Variants in USP25 observed in about 807,000 individuals in gnomAD.
The protein encoded by USP25 is ubiquitin carboxyl-terminal hydrolase 25.
In USP25, 85 loss-of-function variants were observed where a neutral mutation model predicts 158.5. That is an observed-to-expected ratio of 0.54 (90% CI 0.45 to 0.64). The LOEUF (loss-of-function observed/expected upper bound fraction) is 0.64. USP25 is among the 30% of genes least tolerant of loss of function. The pLI, the probability that USP25 is intolerant of heterozygous loss-of-function variation, is 0.00. For synonymous variants in USP25, 464 were observed against 460.4 expected (o/e 1.01, Z -0.10); for missense variants, 1,242 against 1,327.3 (o/e 0.94, Z 1.00).
At chr21:15,808,479 A>G (rs1376355999) in intron 7 of USP25, among the ~76,000 whole-genome samples, 1 of 152,172 alleles carries the variant, frequency 6.6e-6, no homozygotes, top group Non-Finnish European at 1.5e-5. Context: ...AAGATTCATT[A>G]CAGAGCTCTT....
chr21:15,793,651 A>G (rs2035712556), intron 5 of USP25, among the ~76,000 whole-genome samples: 1 of 151,504 alleles, frequency 6.6e-6, no homozygotes, highest in Non-Finnish European at 1.5e-5. Context: ...AACATCTAGG[A>G]GAAGTAACCT....
At chr21:15,775,082 T>A (rs943457437) in intron 3 of USP25, among the ~76,000 whole-genome samples, 2 of 152,226 alleles carry the variant, frequency 1.3e-5, no homozygotes, top group African/African-American at 2.4e-5. Flanking sequence ...ACTTAAATTT[T>A]GAAGCCTGTG....
chr21:15,781,280 G>A (rs981802043), intron 4 of USP25, among the ~76,000 whole-genome samples: 6 of 152,180 alleles, frequency 3.9e-5, no homozygotes, highest in South Asian at 2.1e-4. Context: ...TGTTAGAAAC[G>A]TAGAGTTCCT....
chr21:15,794,755 G>A lies in USP25; in HGVS notation c.555+3091G>A, dbSNP rs552709867. Among the ~76,000 whole-genome samples, 125 of 151,554 alleles carry A rather than the reference G, an allele frequency of 8.2e-4. No individual in the cohort carries two copies. The Middle Eastern group carries it at 0.01, about 12-fold the overall frequency. On this transcript the variant is annotated intron_variant, in intron 5 of 25. Transcript: ENST00000400183. The stretch of plus-strand genomic sequence containing the variant: ...TTACTCATAAATCATATAACTGCAG[G>A]TTGACTAAAATACAGGCACCCTGAG...
At chr21:15,821,451 A>G (rs2037231478) in intron 10 of USP25, among the ~76,000 whole-genome samples, 1 of 152,084 alleles carries the variant, frequency 6.6e-6, no homozygotes, top group Non-Finnish European at 1.5e-5. Context: ...TTTGGGTCAC[A>G]GGGCATACTC....
intron 1 of USP25, chr21:15,744,082 A>G (rs1306471199): frequency 6.5e-6 from 1 of 154,912 alleles, no homozygotes; most frequent in Non-Finnish European, 1.5e-5. Context: ...GTCGAACTGT[A>G]GCAGAGTAGC....
At chr21:15,866,534 T>C (rs1481694956) in intron 22 of USP25, among the ~76,000 whole-genome samples, 190 bp downstream of exon 22, 1 of 152,136 alleles carries the variant, frequency 6.6e-6, no homozygotes, top group African/African-American at 2.4e-5. Flanking sequence ...TATGATAGCA[T>C]GTAGACCAAA....
At chr21:15,765,293 G>C (rs1343948317) in intron 2 of USP25, among the ~76,000 whole-genome samples, 1 of 152,072 alleles carries the variant, frequency 6.6e-6, no homozygotes, top group Admixed American at 6.6e-5. Flanking sequence ...AACTGGGCAA[G>C]TCTCTTCTCA....
At chr21:15,739,183 AT>A (rs58059760) in intron 1 of USP25, among the ~76,000 whole-genome samples, 35,394 of 151,732 alleles carry the variant, frequency 0.23, 5,616 homozygotes, top group African/African-American at 0.46. Context: ...CTGTACTTTC[AT>A]TTTTTTTCCT....
Position 15,874,383 on chromosome 21 carries a change from G to A in USP25, c.2886-20G>A. 1.3e-6 allele frequency: 2 copies of A among 1,580,182 alleles called. No individual in the cohort carries two copies. Among genetic ancestry groups the A allele is most frequent in the East Asian group, 2.3e-5 (1 of 44,382 alleles). On this transcript the variant is annotated intron_variant, in intron 23 of 25. Coordinates refer to ENST00000400183, the MANE Select transcript of USP25 (RefSeq NM_001283041.3). Reference sequence around the variant, plus strand: ...CAAAGGTGAAATACTAATGTTATATGTTTCTTTTTAATTTTCAAGTTATAT... The same window carrying A: ...CAAAGGTGAAATACTAATGTTATATATTTCTTTTTAATTTTCAAGTTATAT...
At chr21:15,757,774 C>T (rs1407593662) in intron 1 of USP25, among the ~76,000 whole-genome samples, 1 of 152,156 alleles carries the variant, frequency 6.6e-6, no homozygotes, top group Non-Finnish European at 1.5e-5. Context: ...GGTCAAATCC[C>T]ATCATCCATG....
intron 1 of USP25, among the ~76,000 whole-genome samples, chr21:15,730,799 C>A (rs1245397351): frequency 6.6e-6 from 1 of 152,080 alleles, no homozygotes; most frequent in Non-Finnish European, 1.5e-5. Flanking sequence ...CTTTCTGAAC[C>A]GATTTTGTCT....
chr21:15,791,782 A>G (rs2035604136), intron 5 of USP25, 118 bp downstream of exon 5: 1 of 1,029,892 alleles, frequency 9.7e-7, no homozygotes, highest in Non-Finnish European at 1.3e-6. Flanking sequence ...TTAATATACT[A>G]TTTTGTCTAA....
At chr21:15,773,224 G>T (rs1022401159) in intron 3 of USP25, 1 of 152,248 alleles carries the variant, frequency 6.6e-6, no homozygotes, top group Non-Finnish European at 1.5e-5. Context: ...GGAGTGGCTG[G>T]AGCCATTTAA....
At chr21:15,747,536 T>C (rs2032658841) in intron 1 of USP25, among the ~76,000 whole-genome samples, 1 of 152,054 alleles carries the variant, frequency 6.6e-6, no homozygotes, top group South Asian at 2.1e-4. Flanking sequence ...ATTTATAAAT[T>C]AGGTAATTTA....
intron 1 of USP25, among the ~76,000 whole-genome samples, chr21:15,735,423 A>C (rs1195733835): frequency 6.6e-6 from 1 of 152,218 alleles, no homozygotes; most frequent in Non-Finnish European, 1.5e-5. Context: ...AGTAATCTAG[A>C]AATGATTTAA....
In USP25 at chr21:15,811,199, G is replaced by A; in HGVS notation, c.920G>A (p.Gly307Glu). ...ELFYGRFLAV[G>E]VLEGKKFENT... ...TTCTATGGCAGATTCCTGGCTGTGGGAGTACTTGAAGGTAGAGTTATACAT... is the reference window on the plus strand; with the variant it reads ...TTCTATGGCAGATTCCTGGCTGTGGAAGTACTTGAAGGTAGAGTTATACAT... The change falls in exon 9 of 26, where the codon GGA becomes GAA. Residue 307 changes from glycine to glutamate, a missense_variant. Physicochemically the swap from Gly to Glu is moderately conservative, Grantham distance 98. Around this residue, in one of 3 missense-constraint regions of USP25, gnomAD observed 627 missense variants for 701.4 expected, o/e 0.89. Transcript: ENST00000400183. The A allele has an allele frequency of 6.2e-7, 1 of 1,612,642 alleles. No individual in the cohort carries two copies. Among genetic ancestry groups the A allele is most frequent in the Non-Finnish European group, 8.5e-7 (1 of 1,179,416 alleles).
intron 20 of USP25, among the ~76,000 whole-genome samples, chr21:15,861,116 G>A (rs2039411276): frequency 6.6e-6 from 1 of 151,944 alleles, no homozygotes; most frequent in African/African-American, 2.4e-5. Context: ...ACTGAACAAG[G>A]TCTCAAAAGC....
intron 20 of USP25, among the ~76,000 whole-genome samples, chr21:15,852,722 T>C (rs776481364): frequency 6.6e-6 from 1 of 152,192 alleles, no homozygotes; most frequent in Non-Finnish European, 1.5e-5. Context: ...ATTAGCAGTT[T>C]TGTTTGGCTT....
Sources: allele counts gnomAD v4.1 joint callset (sites outside exome capture counted in the v4.1 genomes callset), GRCh38; gene constraint gnomAD v4.1.1; regional missense constraint gnomAD v4.1.1; transcripts MANE v1.5; gene names NCBI Gene and HGNC (gene_info 2026-07-23, HGNC 2026-07-21).